IQSEC1: variants seen among roughly 807,000 people sequenced by gnomAD.
IQSEC1 encodes IQ motif and SEC7 domain-containing protein 1.
In IQSEC1, 31 loss-of-function variants were observed where a neutral mutation model predicts 91.0. That is an observed-to-expected ratio of 0.34 (90% CI 0.26 to 0.46). The LOEUF is 0.46. Among genes scored for constraint, IQSEC1 ranks in the 20% least tolerant of loss-of-function variants. IQSEC1 has a pLI of 1.00. For missense variants in IQSEC1, 1,388 were observed against 1,575.6 expected (o/e 0.88, Z 2.02); for synonymous variants, 699 against 662.6 (o/e 1.05, Z -0.84).
intron 1 of IQSEC1, among the ~76,000 whole-genome samples, chr3:13,226,707 A>G (rs752550723): frequency 1.1e-4 from 17 of 152,136 alleles, no homozygotes; most frequent in Non-Finnish European, 2.4e-4. Context: ...TCAGATCTTC[A>G]TGGAAAAGTC....
intron 1 of IQSEC1, among the ~76,000 whole-genome samples, chr3:12,999,334 T>G (rs1001250303): frequency 1.3e-5 from 2 of 152,184 alleles, no homozygotes; most frequent in Non-Finnish European, 2.9e-5. Flanking sequence ...CTTGGGCTCA[T>G]GGGAGCAGGG....
intron 2 of IQSEC1, among the ~76,000 whole-genome samples, chr3:13,087,446 C>T (rs1473821814): frequency 6.6e-6 from 1 of 152,170 alleles, no homozygotes; most frequent in African/African-American, 2.4e-5. Context: ...CTTCTCTCAG[C>T]CTCAGTCTCC....
At chr3:13,144,936 TGAG>T (rs1161932315) in intron 2 of IQSEC1, among the ~76,000 whole-genome samples, 3 of 152,208 alleles carry the variant, frequency 2.0e-5, no homozygotes, top group African/African-American at 7.2e-5. Flanking sequence ...GCGAGGTCCC[TGAG>T]ATGTACTGAA....
chr3:13,131,772 C>T (rs1706625401), intron 2 of IQSEC1, among the ~76,000 whole-genome samples: 1 of 152,170 alleles, frequency 6.6e-6, no homozygotes, highest in Admixed American at 6.5e-5. Context: ...TAGGTGTGCA[C>T]TGCAGCCAGC....
chr3:13,159,509 T>C (rs547025888), intron 2 of IQSEC1, among the ~76,000 whole-genome samples: 6 of 152,222 alleles, frequency 3.9e-5, no homozygotes, highest in Middle Eastern at 3.4e-3. Context: ...ATCTGTATTT[T>C]CAACAAGCAC....
chr3:12,982,335 C>A (rs1436662173), intron 1 of IQSEC1, among the ~76,000 whole-genome samples: 2 of 152,178 alleles, frequency 1.3e-5, no homozygotes, highest in African/African-American at 4.8e-5. Context: ...TCATCATTTA[C>A]CATATTAAAA....
At chr3:12,978,227 G>T (rs1355686222) in intron 1 of IQSEC1, among the ~76,000 whole-genome samples, 2 of 152,238 alleles carry the variant, frequency 1.3e-5, no homozygotes, top group African/African-American at 2.4e-5. Context: ...CACAGCCCAT[G>T]TGATGAAGCT....
At chr3:13,006,675 C>T (rs755689563) in intron 1 of IQSEC1, among the ~76,000 whole-genome samples, 5 of 152,242 alleles carry the variant, frequency 3.3e-5, no homozygotes, top group African/African-American at 4.8e-5. Context: ...CACACAGCCC[C>T]CACTCTAGAG....
At chr3:13,148,300 C>T (rs542816902) in intron 2 of IQSEC1, among the ~76,000 whole-genome samples, 4 of 152,042 alleles carry the variant, frequency 2.6e-5, no homozygotes, top group Admixed American at 2.0e-4. Flanking sequence ...AGGCCTGGTA[C>T]GGGGGCAAGG....
chr3:13,215,024 G>A (rs182609932), intron 1 of IQSEC1, among the ~76,000 whole-genome samples: 1 of 152,128 alleles, frequency 6.6e-6, no homozygotes, highest in Non-Finnish European at 1.5e-5. Context: ...ATGAGTAAGT[G>A]CCTACTGAAT....
intron 1 of IQSEC1, among the ~76,000 whole-genome samples, chr3:12,985,502 C>G (rs1043251522): frequency 2.0e-5 from 3 of 146,510 alleles, no homozygotes; most frequent in Non-Finnish European, 3.0e-5. Flanking sequence ...CCCCCCCCCC[C>G]GCCAACCGTT....
intron 12 of IQSEC1, among the ~76,000 whole-genome samples, chr3:12,904,822 G>A (rs1296674249): frequency 2.6e-5 from 4 of 152,214 alleles, no homozygotes; most frequent in Admixed American, 2.6e-4. Flanking sequence ...CTTCTGACAG[G>A]ACCTGGGCCA....
In IQSEC1 at chr3:12,908,413, A is replaced by G. The variant is rs780664923; in HGVS notation, c.2691T>C (p.Tyr897=). ...TGCGCTTGAGGCCCTCACCGCTGGC[A>G]TAGCTGTCGTCCAGGCAGGCCCGGC... The part of the protein sequence containing the change: ...TLSRACLDDS[Y]ASGEGLKRSA... The change falls in exon 12 of 14, where the codon TAT becomes TAC. Residue 897 remains tyrosine, a synonymous_variant. Coordinates refer to ENST00000613206, the MANE Select transcript of IQSEC1 (RefSeq NM_001134382.3). This position sits in a 1 kb window ranked among gnomAD's most constrained non-coding sequence, Gnocchi z 4.9. 4.3e-6 allele frequency: 7 copies of G among 1,613,224 alleles called. No individual in the cohort carries two copies. The South Asian group carries it at 6.6e-5, about 15-fold the overall frequency.
rs1466590845 is a variant in IQSEC1, at chr3:12,898,071, T to C, written c.*2912A>G. On this transcript the variant is annotated 3_prime_UTR_variant, in exon 14 of 14. Transcript: ENST00000613206. Reference sequence around the variant, plus strand: ...AGTAATTTGTGTGACTTGAGAAAGGTGTGCCAAGGGCGTCCTCACAGTGAG... The same window carrying C: ...AGTAATTTGTGTGACTTGAGAAAGGCGTGCCAAGGGCGTCCTCACAGTGAG... 2 of 152,274 alleles carry C rather than the reference T, an allele frequency of 1.3e-5. No homozygotes were observed. The allele number at this position is 152,274 out of a possible 1,614,324, so 9.4% of individuals were successfully genotyped here.
Position 13,012,964 on chromosome 3 carries a change from C to CTTTTTTTTTTTTTTTTTTTTT in IQSEC1, c.23+60027_23+60028insAAAAAAAAAAAAAAAAAAAAA, listed in dbSNP as rs35541458. ...ACAGAAACTCCCATGAAAGTCTGGG[C>CTTTTTTTTTTTTTTTTTTTTT]TTTTTTTTTTTTTTTTGAGACAGTC... On this transcript the variant is annotated intron_variant, in intron 1 of 13. Coordinates refer to ENST00000613206, the MANE Select transcript of IQSEC1 (RefSeq NM_001134382.3). 3.1e-5 allele frequency among the ~76,000 whole-genome samples: 3 copies of CTTTTTTTTTTTTTTTTTTTTT among 97,544 alleles called. 1 individual carries two copies. Among genetic ancestry groups the CTTTTTTTTTTTTTTTTTTTTT allele is most frequent in the African/African-American group, 9.4e-5 (2 of 21,268 alleles). The allele number at this position is 97,544 out of a possible 152,430, so 64.0% of individuals were successfully genotyped here. A position where few individuals can be genotyped will look rare whatever the true frequency, so the allele number is the denominator to read the frequency against.
intron 1 of IQSEC1, among the ~76,000 whole-genome samples, chr3:13,189,090 G>T (rs1693978824): frequency 1.3e-5 from 2 of 152,214 alleles, no homozygotes; most frequent in African/African-American, 4.8e-5. Flanking sequence ...TCAGGGCAGG[G>T]CCAGAAGAGA....
In IQSEC1 at chr3:12,941,631, G is replaced by C; in HGVS notation, c.258C>G (p.Ile86Met). 6.2e-7 allele frequency: 1 copy of C among 1,611,756 alleles called. No homozygotes were observed. Among genetic ancestry groups the C allele is most frequent in the Non-Finnish European group, 8.5e-7 (1 of 1,179,168 alleles). The change falls in exon 2 of 14, where the codon ATC becomes ATG. Residue 86 changes from isoleucine (I) to methionine (M), a missense_variant. Transcript: ENST00000613206. ...TCTCGGAGAGTGAGCGTGAGCGCTT[G>C]ATGGCCTCCTCCTCAGCCTGCTTGC... ...ILRKQAEEEA[I>M]KRSRSLSESY...
chr3:13,250,823 C>A (rs555986237), intron 1 of IQSEC1, among the ~76,000 whole-genome samples: 63 of 152,014 alleles, frequency 4.1e-4, no homozygotes, highest in Non-Finnish European at 6.8e-4. Context: ...TGCTGCCACC[C>A]CTCTGGTCCC....
intron 2 of IQSEC1, among the ~76,000 whole-genome samples, chr3:13,098,735 C>G (rs1706007128): frequency 6.6e-6 from 1 of 152,090 alleles, no homozygotes; most frequent in Non-Finnish European, 1.5e-5. Flanking sequence ...TATGGAGAGT[C>G]CAGAATGGGC....
Sources: gnomAD v4.1 joint callset for allele counts (sites outside exome capture counted in the v4.1 genomes callset) on GRCh38, gnomAD v4.1.1 for gene constraint, Gnocchi (gnomAD v3.1) non-coding constraint, MANE v1.5 for transcripts, NCBI Gene and HGNC (gene_info 2026-07-23, HGNC 2026-07-21) for gene names.